Variants in FILIP1L observed in about 807,000 individuals in gnomAD.
FILIP1L encodes filamin A interacting protein 1 like.
A neutral mutation model predicts 96.6 loss-of-function variants in FILIP1L; 55 were observed. That is an observed-to-expected ratio of 0.57 (90% CI 0.46 to 0.71). FILIP1L has a LOEUF of 0.71. Among genes scored for constraint, FILIP1L ranks in the 30% least tolerant of loss-of-function variants. The pLI is 0.00. For synonymous variants in FILIP1L, 467 were observed against 473.9 expected (o/e 0.99, Z 0.19); for missense variants, 1,304 against 1,321.2 (o/e 0.99, Z 0.20).
intron 1 of FILIP1L, among the ~76,000 whole-genome samples, chr3:100,106,911 GA>G (rs141429394): frequency 1.4e-4 from 22 of 152,286 alleles, no homozygotes; most frequent in South Asian, 8.3e-4. Context: ...TATGCTAAGG[GA>G]AACTCTGAGA....
At chr3:99,853,984 C>T (rs1205594253) in intron 4 of FILIP1L, among the ~76,000 whole-genome samples, 2 of 152,168 alleles carry the variant, frequency 1.3e-5, no homozygotes, top group Admixed American at 1.3e-4. Context: ...TGCTGTTACA[C>T]ATTGTGTGGT....
intron 1 of FILIP1L, among the ~76,000 whole-genome samples, chr3:100,032,147 T>A (rs890871842): frequency 6.6e-6 from 1 of 152,166 alleles, no homozygotes; most frequent in Non-Finnish European, 1.5e-5. Flanking sequence ...AGATTGTAGG[T>A]GTTAAAACAT....
chr3:99,958,203 CATT>C (rs71688408), intron 1 of FILIP1L, among the ~76,000 whole-genome samples: 57,151 of 132,348 alleles, frequency 0.43, 12,837 homozygotes, highest in East Asian at 0.57. Context: ...GCCCTGCATG[CATT>C]ATTATTATTA....
At chr3:99,915,839 C>T (rs1320239215) in intron 4 of FILIP1L, among the ~76,000 whole-genome samples, 1 of 152,130 alleles carries the variant, frequency 6.6e-6, no homozygotes, top group Admixed American at 6.6e-5. Context: ...GTCTGTCTCC[C>T]CTATACTAAA....
intron 1 of FILIP1L, among the ~76,000 whole-genome samples, chr3:100,103,497 T>C (rs968158243): frequency 5.3e-5 from 8 of 152,216 alleles, no homozygotes; most frequent in African/African-American, 7.2e-5. Flanking sequence ...CTAGAGTCTT[T>C]AGGAGTTTAT....
At chr3:100,005,829 A>C (rs1440930183) in intron 1 of FILIP1L, among the ~76,000 whole-genome samples, 1 of 152,180 alleles carries the variant, frequency 6.6e-6, no homozygotes, top group Non-Finnish European at 1.5e-5. Flanking sequence ...AACTGAAAGG[A>C]GAGAACTTGG....
chr3:100,073,020 C>A lies in FILIP1L; in HGVS notation c.-11+41033G>T, dbSNP rs370030573. Among the ~76,000 whole-genome samples, 8 of 152,182 alleles carry A rather than the reference C, an allele frequency of 5.3e-5. No homozygotes were observed. In the East Asian group the frequency reaches 5.8e-4, roughly 11 times the overall value. On this transcript the variant is annotated intron_variant, in intron 1 of 5. Coordinates refer to ENST00000477258, the MANE Select transcript of FILIP1L (RefSeq NM_001387850.1). ...TTACATCCACTTCCTTAATATATAT[C>A]TTGATTAATATCAGAGGCAAAGCAT...
At chr3:99,959,791 G>A (rs1248835352) in intron 1 of FILIP1L, among the ~76,000 whole-genome samples, 1 of 152,158 alleles carries the variant, frequency 6.6e-6, no homozygotes, top group Non-Finnish European at 1.5e-5. Context: ...ACAATTAAAG[G>A]AAGGGATTGT....
Position 100,061,754 on chromosome 3 carries a change from G to T in FILIP1L, c.-11+52299C>A, listed in dbSNP as rs1356875087. 2.6e-5 allele frequency among the ~76,000 whole-genome samples: 4 copies of T among 152,156 alleles called. No individual in the cohort carries two copies. The East Asian group carries it at 7.7e-4, about 29-fold the overall frequency. On this transcript the variant is annotated intron_variant, in intron 1 of 5. Transcript: ENST00000477258. ...CCTCCCATTCTGAGGTGAGAAAACT[G>T]AAGCACAGAGAAGGTAATGCAATAC... is the stretch of plus-strand genomic sequence containing the variant.
chr3:99,890,153 T>C (rs1454522450), intron 4 of FILIP1L, among the ~76,000 whole-genome samples: 1 of 152,128 alleles, frequency 6.6e-6, no homozygotes, highest in Non-Finnish European at 1.5e-5. Context: ...TATAGAATGC[T>C]TGGTTGAGAC....
At chr3:100,004,725 C>G (rs1165828739) in intron 1 of FILIP1L, among the ~76,000 whole-genome samples, 1 of 152,044 alleles carries the variant, frequency 6.6e-6, no homozygotes, top group African/African-American at 2.4e-5. Flanking sequence ...GTGATAATAC[C>G]TAAAAGGTAG....
chr3:99,969,701 G>T (rs995459969), intron 1 of FILIP1L, among the ~76,000 whole-genome samples: 63 of 152,144 alleles, frequency 4.1e-4, no homozygotes, highest in African/African-American at 1.5e-3. Context: ...TCACATAATG[G>T]ATAGGAAGCA....
Position 99,850,399 on chromosome 3 carries a change from G to A in FILIP1L, c.1277C>T (p.Ala426Val). 1 of 1,613,636 alleles carries A rather than the reference G, an allele frequency of 6.2e-7. No individual in the cohort carries two copies. Among genetic ancestry groups the A allele is most frequent in the South Asian group, 1.1e-5 (1 of 90,976 alleles). Residue 426 changes from alanine to valine, a missense_variant, in exon 5 of 6, where the codon GCT (alanine) becomes GTT (valine). Transcript: ENST00000477258. ...GAAAGCGTCTTCTAACTTTTCCAGA[G>A]CCATAATTCTTTTACTGAGTTTTTC... ...EVEKLSKRIM[A>V]LEKLEDAFNK... is the part of the protein sequence containing the mutation.
intron 1 of FILIP1L, among the ~76,000 whole-genome samples, chr3:99,987,212 G>A (rs950437391): frequency 2.9e-5 from 4 of 138,616 alleles, no homozygotes; most frequent in African/African-American, 1.1e-4. Flanking sequence ...CTGGGGGACA[G>A]AGTAAGACCC....
chr3:100,027,611 T>G (rs1488425860), intron 1 of FILIP1L, among the ~76,000 whole-genome samples: 1 of 152,146 alleles, frequency 6.6e-6, no homozygotes, highest in Non-Finnish European at 1.5e-5. Context: ...GATACATGCT[T>G]ATTGTTTTGT....
chr3:99,853,335 A>G (rs1223928528), intron 4 of FILIP1L, among the ~76,000 whole-genome samples: 1 of 152,248 alleles, frequency 6.6e-6, no homozygotes, highest in Non-Finnish European at 1.5e-5. Context: ...TTACAGTTTT[A>G]TTAGAGAACA....
intron 1 of FILIP1L, among the ~76,000 whole-genome samples, chr3:99,984,548 C>T (rs1197181145): frequency 1.3e-5 from 2 of 152,124 alleles, no homozygotes; most frequent in Admixed American, 1.3e-4. Context: ...GTCACTGAAA[C>T]TCATTCTGCA....
chr3:99,978,532 G>A (rs1709032731), intron 1 of FILIP1L, among the ~76,000 whole-genome samples: 1 of 152,214 alleles, frequency 6.6e-6, no homozygotes, highest in Admixed American at 6.5e-5. Flanking sequence ...AATAAGCCAG[G>A]CACAGAAGGA....
chr3:99,830,275 TG>T lies in FILIP1L; in HGVS notation c.*138del. On this transcript the variant is annotated 3_prime_UTR_variant, in exon 6 of 6. Coordinates refer to ENST00000477258, the MANE Select transcript of FILIP1L (RefSeq NM_001387850.1). ...AAATAATTGTAGACGTGCTGCTTTT[TG>T]GGGGATGATCTTCATCAGGTCCACA... is the stretch of plus-strand genomic sequence containing the variant. 2.9e-6 allele frequency: 1 copy of T among 341,514 alleles called. No individual in the cohort carries two copies. Among genetic ancestry groups the T allele is most frequent in the Non-Finnish European group, 5.8e-6 (1 of 171,992 alleles). 21.2% of individuals were successfully genotyped at this position (341,514 alleles called of 1,614,324 possible). A position where few individuals can be genotyped will look rare whatever the true frequency, so the allele number is the denominator to read the frequency against.
Sources: allele counts gnomAD v4.1 joint callset (sites outside exome capture counted in the v4.1 genomes callset), GRCh38; gene constraint gnomAD v4.1.1; transcripts MANE v1.5; gene names NCBI Gene and HGNC (gene_info 2026-07-23, HGNC 2026-07-21).